The following BTBD10 variants were observed in gnomAD, a reference collection of about 807,000 sequenced individuals.
BTBD10 encodes the protein BTB/POZ domain-containing protein 10.
A neutral mutation model predicts 53.2 loss-of-function variants in BTBD10; 21 were observed. That is an observed-to-expected ratio of 0.39 (90% CI 0.28 to 0.57). The LOEUF (loss-of-function observed/expected upper bound fraction) is 0.57. Among genes scored for constraint, BTBD10 ranks in the 20% least tolerant of loss-of-function variants. BTBD10 has a pLI of 0.53. For missense variants in BTBD10, 360 were observed against 594.7 expected (o/e 0.61, Z 4.10); for synonymous variants, 149 against 192.7 (o/e 0.77, Z 1.88).
intron 5 of BTBD10, among the ~76,000 whole-genome samples, chr11:13,414,844 G>GAAAAAAAAAAA (rs71041526): frequency 2.3e-5 from 2 of 85,130 alleles, no homozygotes; most frequent in Non-Finnish European, 4.3e-5. Flanking sequence ...CATCTCAAAC[G>GAAAAAAAAAAA]AAAAAAAAAA....
intron 8 of BTBD10, among the ~76,000 whole-genome samples, chr11:13,395,984 C>T (rs1018064222): frequency 1.3e-5 from 2 of 152,114 alleles, no homozygotes; most frequent in African/African-American, 4.8e-5. Flanking sequence ...ATGCCTCCAG[C>T]TTTGTTCTTT....
At chr11:13,422,328 T>C (rs1950259327) in intron 2 of BTBD10, among the ~76,000 whole-genome samples, 2 of 151,446 alleles carry the variant, frequency 1.3e-5, no homozygotes, top group Non-Finnish European at 2.9e-5. Flanking sequence ...CAAAACACTA[T>C]GATTTTTTTT....
At chr11:13,439,335 T>G (rs1950604446) in intron 2 of BTBD10, among the ~76,000 whole-genome samples, 2 of 152,084 alleles carry the variant, frequency 1.3e-5, no homozygotes, top group Admixed American at 6.6e-5. Flanking sequence ...ATCCAAAACC[T>G]CAGTGGCAGT....
chr11:13,459,062 T>TA (rs1951033869), intron 1 of BTBD10, among the ~76,000 whole-genome samples: 3 of 119,190 alleles, frequency 2.5e-5, no homozygotes, highest in Non-Finnish European at 5.0e-5. Flanking sequence ...TTATTTATTT[T>TA]TTTTTTTTTT....
chr11:13,413,445 C>T, intron 6 of BTBD10, 85 bp downstream of exon 6: 1 of 1,173,460 alleles, frequency 8.5e-7, no homozygotes, highest in Non-Finnish European at 1.2e-6. Context: ...TTAAGTCTAA[C>T]TAGGTAAATA....
intron 2 of BTBD10, among the ~76,000 whole-genome samples, chr11:13,426,219 G>C (rs1007803366): frequency 1.3e-5 from 2 of 151,942 alleles, no homozygotes; most frequent in Admixed American, 6.6e-5. Flanking sequence ...TGTCAACCTA[G>C]GTTTTTCACA....
intron 2 of BTBD10, among the ~76,000 whole-genome samples, chr11:13,426,997 C>G (rs1024632871): frequency 5.3e-5 from 8 of 152,284 alleles, no homozygotes; most frequent in African/African-American, 1.9e-4. Flanking sequence ...TGGCAGATCA[C>G]TTGAGCCCAG....
At chr11:13,419,320 G>T in intron 4 of BTBD10, 140 bp downstream of exon 4, 1 of 1,101,552 alleles carries the variant, frequency 9.1e-7, no homozygotes, top group Non-Finnish European at 1.3e-6. Context: ...AAGTAATTTA[G>T]CCTCCAAAGC....
chr11:13,413,728 G>C, intron 5 of BTBD10, 78 bp from the exon 6 acceptor site: 1 of 1,381,350 alleles, frequency 7.2e-7, no homozygotes, highest in Non-Finnish European at 9.7e-7. Flanking sequence ...GGAAGGGCTG[G>C]TAACATTTTC....
In BTBD10 at chr11:13,398,101, A is replaced by G. The variant is rs532332747; in HGVS notation, c.1117+5067T>C. 2.3e-3 allele frequency among the ~76,000 whole-genome samples: 345 copies of G among 152,164 alleles called. 1 individual carries two copies. The highest frequency in any genetic ancestry group is 7.9e-3 in the African/African-American group (330 of 41,512). On this transcript the variant is annotated intron_variant, in intron 8 of 8. Transcript: ENST00000278174. The stretch of plus-strand genomic sequence containing the variant: ...AGTTCAATTCCTGGATATCCTTGTT[A>G]ACTTTCTGTCTCATTGATCTGTCTA...
chr11:13,459,877 T>C (rs10832042), intron 1 of BTBD10: 66,484 of 152,052 alleles, frequency 0.44, 16,335 homozygotes, highest in South Asian at 0.62. Context: ...ACTCAGGGGA[T>C]GGGAAGAAGC....
At chr11:13,436,419 G>A (rs940291369) in intron 2 of BTBD10, among the ~76,000 whole-genome samples, 22 of 152,140 alleles carry the variant, frequency 1.4e-4, no homozygotes, top group African/African-American at 5.1e-4. Context: ...ACACCCACTA[G>A]AAGACATAAT....
intron 2 of BTBD10, among the ~76,000 whole-genome samples, chr11:13,437,607 G>A (rs546998762): frequency 2.0e-5 from 3 of 152,290 alleles, no homozygotes; most frequent in South Asian, 4.1e-4. Flanking sequence ...ATATCAAAAT[G>A]ACTTTACCAA....
At chr11:13,426,980 C>A (rs1173799746) in intron 2 of BTBD10, among the ~76,000 whole-genome samples, 1 of 152,130 alleles carries the variant, frequency 6.6e-6, no homozygotes, top group African/African-American at 2.4e-5. Context: ...AAGCTAGATC[C>A]CCAGCCTGGC....
At chr11:13,392,820 T>C (rs1039845747) in intron 8 of BTBD10, among the ~76,000 whole-genome samples, 1 of 152,194 alleles carries the variant, frequency 6.6e-6, no homozygotes, top group African/African-American at 2.4e-5. Context: ...ACAATTATTT[T>C]AGAGTTTGTT....
intron 2 of BTBD10, among the ~76,000 whole-genome samples, chr11:13,427,206 G>A (rs993842157): frequency 1.6e-4 from 24 of 149,616 alleles, no homozygotes; most frequent in African/African-American, 5.5e-4. Context: ...AACAGAGGGA[G>A]ACCCTGTCTT....
chr11:13,412,121 G>A (rs1006880641), intron 6 of BTBD10, among the ~76,000 whole-genome samples: 7 of 151,924 alleles, frequency 4.6e-5, no homozygotes, highest in African/African-American at 1.7e-4. Flanking sequence ...GTGAGCCACT[G>A]CACCCAGCCC....
chr11:13,420,032 T>A (rs1206032424), intron 3 of BTBD10, among the ~76,000 whole-genome samples: 2 of 152,116 alleles, frequency 1.3e-5, no homozygotes, highest in Non-Finnish European at 2.9e-5. Flanking sequence ...AAGGAAAATT[T>A]TATGTTATTA....
chr11:13,409,478 T>G (rs148148280), intron 6 of BTBD10, among the ~76,000 whole-genome samples: 3 of 152,220 alleles, frequency 2.0e-5, no homozygotes, highest in African/African-American at 7.2e-5. Flanking sequence ...ATTTGTTTAA[T>G]TCATAAATTT....
Sources: allele counts gnomAD v4.1 joint callset (sites outside exome capture counted in the v4.1 genomes callset), GRCh38; gene constraint gnomAD v4.1.1; transcripts MANE v1.5; gene names NCBI Gene and HGNC (gene_info 2026-07-23, HGNC 2026-07-21).